Variants in TASP1 observed in about 807,000 individuals in gnomAD.
The protein encoded by TASP1 is taspase 1.
Under a neutral mutation model 56.6 loss-of-function variants are expected in TASP1, and 16 were observed. The observed-to-expected ratio is 0.28, with a 90% CI of 0.19 to 0.43. TASP1 has a LOEUF of 0.43. Ranked by LOEUF, TASP1 falls within the 20% of genes least tolerant of loss-of-function variation. The pLI, the probability that TASP1 is intolerant of heterozygous loss-of-function variation, is 1.00. For missense variants in TASP1, 393 were observed against 511.6 expected (o/e 0.77, Z 2.24); for synonymous variants, 179 against 184.2 (o/e 0.97, Z 0.23).
chr20:13,499,473 A>G lies in TASP1; in HGVS notation c.875-16136T>C, dbSNP rs559531808. Reference sequence around the variant, plus strand: ...AAGCTGAAATCTCTTTAAAAAAAAAAAAAGAAAGAAAGAGAAAAGAAAAGG... The same window carrying G: ...AAGCTGAAATCTCTTTAAAAAAAAAGAAAGAAAGAAAGAGAAAAGAAAAGG... On this transcript the variant is annotated intron_variant, in intron 10 of 13. Transcript: ENST00000337743. 9.9e-5 allele frequency among the ~76,000 whole-genome samples: 15 copies of G among 151,726 alleles called. No homozygotes were observed. The South Asian group carries it at 2.9e-3, about 30-fold the overall frequency.
At chr20:13,348,334 C>T in the TASP1 span, among the ~76,000 whole-genome samples, 1 of 152,158 alleles carries the variant, frequency 6.6e-6, no homozygotes, top group Non-Finnish European at 1.5e-5. Flanking sequence ...CATAGCATGT[C>T]AGAAGTTCAG....
At chr20:13,111,025 G>A in the TASP1 span, among the ~76,000 whole-genome samples, 1 of 152,034 alleles carries the variant, frequency 6.6e-6, no homozygotes, top group Non-Finnish European at 1.5e-5. Context: ...TGCTGCATGA[G>A]TGGATAATGA....
At chr20:13,361,635 C>T in the TASP1 span, among the ~76,000 whole-genome samples, 10 of 146,360 alleles carry the variant, frequency 6.8e-5, no homozygotes, top group Non-Finnish European at 1.3e-4. Flanking sequence ...TTCCAGACAC[C>T]AGACCAACTT....
At chr20:13,579,642 C>T (rs908151176) in intron 6 of TASP1, among the ~76,000 whole-genome samples, 5 of 152,126 alleles carry the variant, frequency 3.3e-5, no homozygotes, top group Non-Finnish European at 7.4e-5. Context: ...TGAGCCACCG[C>T]GCCCGGCTTT....
intron 10 of TASP1, among the ~76,000 whole-genome samples, chr20:13,523,441 G>A (rs1289260789): frequency 2.0e-5 from 3 of 152,118 alleles, no homozygotes; most frequent in African/African-American, 4.8e-5. Flanking sequence ...AGGCTGTCTC[G>A]TGCCCTCCTG....
intron 10 of TASP1, among the ~76,000 whole-genome samples, chr20:13,519,181 C>A (rs1392842995): frequency 1.3e-5 from 2 of 151,880 alleles, no homozygotes; most frequent in Non-Finnish European, 2.9e-5. Context: ...TACTAGAGTG[C>A]GGAGGAAAGA....
At chr20:13,446,610 G>T (rs984164349) in intron 11 of TASP1, among the ~76,000 whole-genome samples, 1 of 151,958 alleles carries the variant, frequency 6.6e-6, no homozygotes, top group Non-Finnish European at 1.5e-5. Context: ...CCACACCAAG[G>T]CAATTTTCAA....
the TASP1 span, chr20:13,126,600 G>C: frequency 1.9e-6 from 3 of 1,613,238 alleles, no homozygotes; most frequent in Non-Finnish European, 2.5e-6. Context: ...GGACCTCGTG[G>C]ATTATTTACG....
At chr20:13,604,095 T>C (rs762033315) in intron 4 of TASP1, among the ~76,000 whole-genome samples, 4 of 152,184 alleles carry the variant, frequency 2.6e-5, no homozygotes, top group Non-Finnish European at 5.9e-5. Context: ...TTTTTAGCTA[T>C]AAATTGTCAC....
At chr20:13,517,147 C>T (rs2044570496) in intron 10 of TASP1, among the ~76,000 whole-genome samples, 1 of 152,040 alleles carries the variant, frequency 6.6e-6, no homozygotes, top group Admixed American at 6.6e-5. Context: ...AAGCCTTTTG[C>T]TATAGCTAAT....
chr20:13,436,311 A>T (rs1298710935), intron 11 of TASP1, among the ~76,000 whole-genome samples: 1 of 151,706 alleles, frequency 6.6e-6, no homozygotes, highest in South Asian at 2.1e-4. Flanking sequence ...TAAGAATGCC[A>T]TTATTTTGTT....
chr20:13,164,054 C>T, the TASP1 span, among the ~76,000 whole-genome samples: 1 of 152,086 alleles, frequency 6.6e-6, no homozygotes, highest in Admixed American at 6.6e-5. Context: ...TCCCTCCCCA[C>T]TCCCCCCATC....
At chr20:13,439,407 C>CA (rs1272233189) in intron 11 of TASP1, among the ~76,000 whole-genome samples, 2 of 151,676 alleles carry the variant, frequency 1.3e-5, no homozygotes. Flanking sequence ...ATCGCAAGGA[C>CA]AAAAAACCAA....
chr20:13,527,833 T>G (rs2045043999), intron 10 of TASP1, among the ~76,000 whole-genome samples: 1 of 152,192 alleles, frequency 6.6e-6, no homozygotes, highest in African/African-American at 2.4e-5. Context: ...CTTTTATGTC[T>G]TTTGTTATCT....
In TASP1 at chr20:13,632,031, G is replaced by A. The variant is rs564883018; in HGVS notation, c.-74-1879C>T. Among the ~76,000 whole-genome samples the A allele has an allele frequency of 3.6e-4, 53 of 146,140 alleles. No homozygotes were observed. The South Asian group carries it at 0.01, about 28-fold the overall frequency. On this transcript the variant is annotated intron_variant, in intron 1 of 13. Coordinates refer to ENST00000337743, the MANE Select transcript of TASP1 (RefSeq NM_017714.3). ...CGCGCCACTGCACTCCAGCCTGGGC[G>A]ACGGAGCAAGACTTCGTCTCAAAAA...
At chr20:13,574,647 C>A (rs1436490590) in intron 6 of TASP1, among the ~76,000 whole-genome samples, 1 of 151,834 alleles carries the variant, frequency 6.6e-6, no homozygotes. Flanking sequence ...TTTAAAGATG[C>A]AAATCAAACT....
chr20:13,393,329 G>A (rs2041365247), intron 13 of TASP1: 2 of 757,608 alleles, frequency 2.6e-6, no homozygotes, highest in African/African-American at 3.4e-5. Flanking sequence ...CTGTGGGCAA[G>A]GTCATCCCCG....
At chr20:13,293,056 T>C in the TASP1 span, among the ~76,000 whole-genome samples, 2 of 151,620 alleles carry the variant, frequency 1.3e-5, no homozygotes, top group Admixed American at 1.3e-4. Flanking sequence ...AAAAATTAGC[T>C]GGGCATGGTG....
the TASP1 span, among the ~76,000 whole-genome samples, chr20:13,178,037 G>A: frequency 2.3e-4 from 35 of 151,980 alleles, no homozygotes; most frequent in Non-Finnish European, 4.3e-4. Context: ...AATATACAAG[G>A]AACTCAGACA....
Sources: gnomAD v4.1 joint callset for allele counts (sites outside exome capture counted in the v4.1 genomes callset) on GRCh38, gnomAD v4.1.1 for gene constraint, MANE v1.5 for transcripts, NCBI Gene and HGNC (gene_info 2026-07-23, HGNC 2026-07-21) for gene names.